The following PCDHGB4 variants were observed in gnomAD, a reference collection of about 807,000 sequenced individuals.
The protein encoded by PCDHGB4 is protocadherin gamma-B4.
PCDHGB4 carries 38 observed loss-of-function variants against 60.5 expected under a neutral mutation model. The observed-to-expected ratio is 0.63, with a 90% CI of 0.48 to 0.82. The LOEUF (loss-of-function observed/expected upper bound fraction) is 0.82, where lower values mean the gene tolerates loss of function less well. PCDHGB4 is among the 40% of genes least tolerant of loss of function. PCDHGB4 has a pLI of 0.00. For missense variants in PCDHGB4, 1,109 were observed against 1,209.6 expected (o/e 0.92, Z 1.23); for synonymous variants, 456 against 509.7 (o/e 0.89, Z 1.42).
chr5:141,446,633 C>T (rs2098509543), intron 1 of PCDHGB4, among the ~76,000 whole-genome samples: 4 of 152,208 alleles, frequency 2.6e-5, no homozygotes, highest in East Asian at 1.9e-4. Flanking sequence ...TGCACCACCA[C>T]GCCTGGCTAA....
intron 1 of PCDHGB4, chr5:141,399,976 CTGCGCACAGGAGAGG>C: frequency 1.2e-6 from 2 of 1,612,242 alleles, no homozygotes; most frequent in Non-Finnish European, 8.5e-7. Context: ...CAGCCTGGGG[CTGCGCACAGGAGAGG>C]TGCGCACAGC....
At chr5:141,417,345 A>G (rs937116752) in intron 1 of PCDHGB4, 3 of 153,022 alleles carry the variant, frequency 2.0e-5, no homozygotes, top group African/African-American at 7.2e-5. Flanking sequence ...GAGACCTATA[A>G]ACCTTCATGC....
chr5:141,425,241 AG>A (rs2096863585), intron 1 of PCDHGB4, among the ~76,000 whole-genome samples: 1 of 152,220 alleles, frequency 6.6e-6, no homozygotes, highest in Admixed American at 6.5e-5. Flanking sequence ...TTAAATAAAA[AG>A]GATATGAGGT....
At chr5:141,407,625 T>C (rs1354209573) in intron 1 of PCDHGB4, among the ~76,000 whole-genome samples, 2 of 152,220 alleles carry the variant, frequency 1.3e-5, no homozygotes, top group African/African-American at 4.8e-5. Context: ...ACATTCTATA[T>C]CTCGTATTAC....
rs764977787 is a variant in PCDHGB4, at chr5:141,389,478, G to C, written c.1594G>C (p.Ala532Pro). 1 of 1,613,150 alleles carries C rather than the reference G, an allele frequency of 6.2e-7. No individual in the cohort carries two copies. The highest frequency in any genetic ancestry group is 8.5e-7 in the Non-Finnish European group (1 of 1,179,798). ...GCGCGCCTTCGAACTCACACTGCAG[G>C]CCCGCGACCAGGGCTCGCCAGCGCT... ...QLRAFELTLQ[A>P]RDQGSPALSA... The change falls in exon 1 of 4, where the codon GCC becomes CCC. Residue 532 changes from alanine (A) to proline (P), a missense_variant. Physicochemically the swap from Ala to Pro is conservative, Grantham distance 27 (BLOSUM62 -1). This residue lies in a region of PCDHGB4 where 1,068 missense variants were observed against 1,089.9 expected (regional missense o/e 0.98). Transcript: ENST00000519479.
Position 141,389,571 on chromosome 5 carries a change from C to T in PCDHGB4, c.1687C>T (p.Pro563Ser), listed in dbSNP as rs2091830159. ...CGACAATGCGCCACGGGTGCTGTAC[C>T]CCGCGCTGGGTCCCGACGGCTCTGC... ...RNDNAPRVLY[P>S]ALGPDGSALF... The change falls in exon 1 of 4, where the codon CCC becomes TCC. Residue 563 changes from proline (P) to serine (S), a missense_variant. Pro to Ser is a moderately conservative substitution (Grantham distance 74, BLOSUM62 -1). Coordinates refer to ENST00000519479, the MANE Select transcript of PCDHGB4 (RefSeq NM_003736.4). 2 of 1,613,136 alleles carry T rather than the reference C, an allele frequency of 1.2e-6. No individual in the cohort carries two copies. Among genetic ancestry groups the T allele is most frequent in the East Asian group, 2.2e-5 (1 of 44,884 alleles).
chr5:141,478,145 T>C (rs1252008984), intron 1 of PCDHGB4: 1 of 1,614,026 alleles, frequency 6.2e-7, no homozygotes. Context: ...CCGAGCCGAG[T>C]TCCCCTCTGG....
intron 1 of PCDHGB4, among the ~76,000 whole-genome samples, chr5:141,466,514 T>C (rs1276000407): frequency 6.6e-6 from 1 of 152,226 alleles, no homozygotes; most frequent in Non-Finnish European, 1.5e-5. Context: ...AAGATCATTT[T>C]TTTTCCTCCC....
At chr5:141,414,681 G>T (rs780836649) in intron 1 of PCDHGB4, 2 of 1,613,836 alleles carry the variant, frequency 1.2e-6, no homozygotes, top group Non-Finnish European at 8.5e-7. Flanking sequence ...CCATCCAGGG[G>T]GTACCTCTGT....
In PCDHGB4 at chr5:141,489,307, T is replaced by A; in HGVS notation, c.2398-5500T>A. On this transcript the variant is annotated intron_variant, in intron 1 of 3. Transcript: ENST00000519479. The surrounding 1 kb of genome is among the most constrained non-coding windows in gnomAD (Gnocchi z 4.5). ...AGTGCTGTGCATGTTGTCCTTGTGCTGCTGGGGCTGGGTGTCTGGGCAGCT... is the reference window on the plus strand; with the variant it reads ...AGTGCTGTGCATGTTGTCCTTGTGCAGCTGGGGCTGGGTGTCTGGGCAGCT... The A allele has an allele frequency of 6.3e-7, 1 of 1,591,138 alleles. No individual in the cohort carries two copies. The highest frequency in any genetic ancestry group is 8.6e-7 in the Non-Finnish European group (1 of 1,168,222).
intron 2 of PCDHGB4, among the ~76,000 whole-genome samples, chr5:141,501,420 T>C (rs1429838126): frequency 6.6e-6 from 1 of 152,006 alleles, no homozygotes; most frequent in Non-Finnish European, 1.5e-5. Context: ...AATAGTTGAC[T>C]AAATGTAGTC....
intron 1 of PCDHGB4, among the ~76,000 whole-genome samples, chr5:141,481,710 T>C (rs1447483213): frequency 6.6e-6 from 1 of 151,556 alleles, no homozygotes; most frequent in Non-Finnish European, 1.5e-5. Context: ...TCCCAGCACT[T>C]TGGGAGGCGG....
chr5:141,406,555 A>G (rs2094824314), intron 1 of PCDHGB4, among the ~76,000 whole-genome samples: 1 of 152,224 alleles, frequency 6.6e-6, no homozygotes. Context: ...TCAGTTATCC[A>G]CTTCCAAACC....
At chr5:141,496,076 C>A (rs2099765713) in intron 2 of PCDHGB4, among the ~76,000 whole-genome samples, 1 of 152,010 alleles carries the variant, frequency 6.6e-6, no homozygotes, top group Non-Finnish European at 1.5e-5. Context: ...GCACACACAA[C>A]CCCCCACCCA....
rs1230717990 is a variant in PCDHGB4, at chr5:141,431,707, G to A, written c.2397+41426G>A. The A allele has an allele frequency of 6.2e-7, 1 of 1,614,232 alleles. No homozygotes were observed. Among genetic ancestry groups the A allele is most frequent in the South Asian group, 1.1e-5 (1 of 91,088 alleles). On this transcript the variant is annotated intron_variant, in intron 1 of 3. Coordinates refer to ENST00000519479, the MANE Select transcript of PCDHGB4 (RefSeq NM_003736.4). This position sits in a 1 kb window ranked among gnomAD's most constrained non-coding sequence, Gnocchi z 4.8. ...ACCACGAGGAGTCAGGATTCTACCAGATGGAAGTGCAAGCAATGGATAATG... is the reference window on the plus strand; with the variant it reads ...ACCACGAGGAGTCAGGATTCTACCAAATGGAAGTGCAAGCAATGGATAATG...
At chr5:141,509,544 A>AT (rs1312201678) in intron 3 of PCDHGB4, among the ~76,000 whole-genome samples, 1 of 152,150 alleles carries the variant, frequency 6.6e-6, no homozygotes, top group Non-Finnish European at 1.5e-5. Context: ...GCACCATCTC[A>AT]TTTAGTCCTC....
intron 2 of PCDHGB4, among the ~76,000 whole-genome samples, chr5:141,495,223 G>T (rs924599140): frequency 6.6e-6 from 1 of 152,208 alleles, no homozygotes; most frequent in South Asian, 2.1e-4. Flanking sequence ...CCTGAGTTGA[G>T]CTGGGCTCCA....
At chr5:141,426,231 C>A in intron 1 of PCDHGB4, 1 of 158,042 alleles carries the variant, frequency 6.3e-6, no homozygotes, top group Non-Finnish European at 1.4e-5. Flanking sequence ...ATTTTAAAAG[C>A]ACTTTGTGAA....
At chr5:141,426,517 A>G (rs893782433) in intron 1 of PCDHGB4, 5 of 343,020 alleles carry the variant, frequency 1.5e-5, no homozygotes, top group African/African-American at 2.1e-5. Context: ...CTTTACCGTG[A>G]ACACGGAGAA....
Sources: gnomAD v4.1 joint callset for allele counts (sites outside exome capture counted in the v4.1 genomes callset) on GRCh38, gnomAD v4.1.1 for gene constraint, gnomAD v4.1.1 regional missense constraint, Gnocchi (gnomAD v3.1) non-coding constraint, MANE v1.5 for transcripts, NCBI Gene and HGNC (gene_info 2026-07-23, HGNC 2026-07-21) for gene names.